Variants in VIPR1 observed in about 807,000 individuals in gnomAD.
VIPR1 encodes vasoactive intestinal polypeptide receptor 1.
Under a neutral mutation model 58.8 loss-of-function variants are expected in VIPR1, and 59 were observed. The observed-to-expected ratio is 1.00, with a 90% CI of 0.81 to 1.25. The LOEUF (loss-of-function observed/expected upper bound fraction) is 1.25, where lower values mean the gene tolerates loss of function less well. VIPR1 is among the 50% of genes most tolerant of loss of function. The pLI is 0.00. For missense variants in VIPR1, 626 were observed against 602.7 expected, an observed-to-expected ratio of 1.04 and a Z score of -0.40; for synonymous variants, 251 against 242.1, an observed-to-expected ratio of 1.04 and a Z score of -0.34.
chr3:42,535,440 C>A, intron 12 of VIPR1, 56 bp downstream of exon 12: 1 of 1,582,766 alleles, frequency 6.3e-7, no homozygotes, highest in Non-Finnish European at 8.7e-7. Context: ...GACCAGGGTC[C>A]GGAAACATTG....
At chr3:42,522,633 C>T (rs543732935) in intron 3 of VIPR1, among the ~76,000 whole-genome samples, 1 of 152,228 alleles carries the variant, frequency 6.6e-6, no homozygotes, top group Admixed American at 6.5e-5. Context: ...AGGGAATCAG[C>T]AGGAGAGTTC....
intron 1 of VIPR1, among the ~76,000 whole-genome samples, chr3:42,503,345 C>A (rs574070522): frequency 7.6e-4 from 115 of 152,184 alleles, no homozygotes; most frequent in African/African-American, 2.6e-3. Flanking sequence ...GTGTGCCCTC[C>A]CACTGAGCAA....
At chr3:42,511,922 A>G (rs1201234830) in intron 1 of VIPR1, 1 of 152,256 alleles carries the variant, frequency 6.6e-6, no homozygotes. Context: ...TATGGGAAGG[A>G]GAGAAAGCAC....
chr3:42,534,261 T>A (rs1474114767), intron 10 of VIPR1: 1 of 152,164 alleles, frequency 6.6e-6, no homozygotes, highest in Non-Finnish European at 1.5e-5. Context: ...TTTTGGGTTG[T>A]CCCTGGTGAT....
At chr3:42,525,640 T>A (rs910342697) in intron 3 of VIPR1, among the ~76,000 whole-genome samples, 1 of 152,176 alleles carries the variant, frequency 6.6e-6, no homozygotes, top group Non-Finnish European at 1.5e-5. Context: ...GTTCAGACCA[T>A]AACAAAAGGG....
chr3:42,519,617 G>T, intron 3 of VIPR1: 1 of 286,686 alleles, frequency 3.5e-6, no homozygotes, highest in Non-Finnish European at 6.5e-6. Flanking sequence ...CCATAGTCCT[G>T]TTGTCTTGGG....
intron 10 of VIPR1, chr3:42,533,438 G>GA: frequency 7.1e-6 from 1 of 139,932 alleles, no homozygotes; most frequent in African/African-American, 2.7e-5. Flanking sequence ...GACGGGGGGG[G>GA]CATCTGCAGT....
intron 4 of VIPR1, among the ~76,000 whole-genome samples, chr3:42,526,390 G>A (rs1412429966): frequency 6.6e-6 from 1 of 152,220 alleles, no homozygotes; most frequent in Non-Finnish European, 1.5e-5. Flanking sequence ...CAAATAGCCA[G>A]TCAGGAACAG....
At chr3:42,532,449 T>A in intron 10 of VIPR1, 116 bp downstream of exon 10, 1 of 1,136,524 alleles carries the variant, frequency 8.8e-7, no homozygotes, top group Non-Finnish European at 1.3e-6. Flanking sequence ...AAGAGCCACA[T>A]TGTTCTTTCC....
chr3:42,514,129 C>A (rs1188061586), intron 2 of VIPR1, among the ~76,000 whole-genome samples: 1 of 152,072 alleles, frequency 6.6e-6, no homozygotes, highest in Non-Finnish European at 1.5e-5. Flanking sequence ...CCCTATCCCT[C>A]TTCTCCAGGA....
Position 42,530,851 on chromosome 3 carries a change from G to T in VIPR1, c.709G>T (p.Gly237Cys), listed in dbSNP as rs772523082. 1 of 1,614,070 alleles carries T rather than the reference G, an allele frequency of 6.2e-7. No individual in the cohort carries two copies. Among genetic ancestry groups the T allele is most frequent in the South Asian group, 1.1e-5 (1 of 91,078 alleles). The part of the protein sequence containing the change: ...MANFFWLLVE[G>C]LYLYTLLAVS... Reference sequence around the variant, plus strand: ...TAACTTCTTCTGGCTGCTGGTGGAGGGCCTCTACCTGTACACCCTGCTTGC... The same window carrying T: ...TAACTTCTTCTGGCTGCTGGTGGAGTGCCTCTACCTGTACACCCTGCTTGC... The change falls in exon 7 of 13, where the codon GGC (glycine) becomes TGC (cysteine). Residue 237 changes from glycine (G) to cysteine (C), a missense_variant. Gly to Cys is a radical substitution (Grantham distance 159). Transcript: ENST00000325123.
At chr3:42,499,456 C>T (rs1222443095), upstream of VIPR1, among the ~76,000 whole-genome samples, 1 of 152,252 alleles carries the variant, frequency 6.6e-6, no homozygotes, top group Non-Finnish European at 1.5e-5. Context: ...ACTTCTCTCT[C>T]TTTCCCGCCA....
intron 1 of VIPR1, among the ~76,000 whole-genome samples, chr3:42,494,697 G>T (rs1053665914): frequency 2.6e-5 from 4 of 152,040 alleles, no homozygotes; most frequent in African/African-American, 9.7e-5. Flanking sequence ...TAATCACTTT[G>T]ATATTTTATT....
chr3:42,519,297 C>A lies in VIPR1; in HGVS notation c.259C>A (p.Pro87Thr). 1 of 1,610,596 alleles carries A rather than the reference C, an allele frequency of 6.2e-7. No homozygotes were observed. The highest frequency in any genetic ancestry group is 8.5e-7 in the Non-Finnish European group (1 of 1,178,472). ...GGGCCAGGTAGTTGTCTTGGCCTGT[C>A]CCCTCATCTTCAAGCTCTTCTCCTC... The part of the protein sequence containing the change: ...PRGQVVVLAC[P>T]LIFKLFSSIQ... Residue 87 changes from proline to threonine, a missense_variant, in exon 3 of 13, where the codon CCC (proline) becomes ACC (threonine). Pro to Thr is a conservative substitution (Grantham distance 38). Transcript: ENST00000325123.
chr3:42,516,234 G>A (rs1008875539), intron 2 of VIPR1, among the ~76,000 whole-genome samples: 3 of 152,190 alleles, frequency 2.0e-5, no homozygotes, highest in East Asian at 3.9e-4. Context: ...CTGTATTTCT[G>A]TAGGCCTGGT....
chr3:42,500,361 C>T (rs1203009055), upstream of VIPR1: 2 of 152,234 alleles, frequency 1.3e-5, no homozygotes, highest in African/African-American at 4.8e-5. Context: ...GGTCACATGG[C>T]AAAGTGAGGT....
chr3:42,491,094 G>A (rs1038687506), intron 1 of VIPR1, among the ~76,000 whole-genome samples: 1 of 152,170 alleles, frequency 6.6e-6, no homozygotes, highest in Non-Finnish European at 1.5e-5. Flanking sequence ...ACAGGAGGAT[G>A]CCCGTGCGCA....
chr3:42,514,319 A>G (rs913705125), intron 2 of VIPR1, among the ~76,000 whole-genome samples: 4 of 152,082 alleles, frequency 2.6e-5, no homozygotes, highest in Non-Finnish European at 5.9e-5. Context: ...TAGCATCTCC[A>G]GAGGAAGAAG....
At chr3:42,517,962 C>T (rs866383762) in intron 2 of VIPR1, among the ~76,000 whole-genome samples, 8 of 151,856 alleles carry the variant, frequency 5.3e-5, no homozygotes, top group African/African-American at 1.9e-4. Context: ...GGCGACAGAG[C>T]AAGACTATGA....
Sources: gnomAD v4.1 joint callset for allele counts (sites outside exome capture counted in the v4.1 genomes callset) on GRCh38, gnomAD v4.1.1 for gene constraint, MANE v1.5 for transcripts, NCBI Gene and HGNC (gene_info 2026-07-23, HGNC 2026-07-21) for gene names.